The following CHRM5 variants were observed in gnomAD, a reference collection of about 807,000 sequenced individuals.
The protein encoded by CHRM5 is muscarinic acetylcholine receptor M5.
In CHRM5, 18 loss-of-function variants were observed where a neutral mutation model predicts 39.0. The observed-to-expected ratio is 0.46, with a 90% CI of 0.32 to 0.68. The LOEUF (loss-of-function observed/expected upper bound fraction) is 0.68, where lower values mean the gene tolerates loss of function less well. CHRM5 is among the 30% of genes least tolerant of loss of function. The pLI, the probability that CHRM5 is intolerant of heterozygous loss-of-function variation, is 0.04. For missense variants in CHRM5, 515 were observed against 651.1 expected, an observed-to-expected ratio of 0.79 and a Z score of 2.28; for synonymous variants, 241 against 246.3, an observed-to-expected ratio of 0.98 and a Z score of 0.20.
In CHRM5 at chr15:34,019,182, G is replaced by A. The variant is rs1448142941; in HGVS notation, c.-407-27358G>A. On this transcript the variant is annotated intron_variant, in intron 1 of 2. Coordinates refer to ENST00000383263, the MANE Select transcript of CHRM5 (RefSeq NM_012125.4). The stretch of plus-strand genomic sequence containing the variant: ...CCCAGTAAGTCCAGCTGGCTTCACC[G>A]CTTACTATTGATGATCCTGACCCTG... 6.6e-5 allele frequency among the ~76,000 whole-genome samples: 10 copies of A among 152,296 alleles called. No homozygotes were observed. In the South Asian group the frequency reaches 1.4e-3, roughly 22 times the overall value.
At chr15:34,011,250 C>G (rs114739507) in intron 1 of CHRM5, among the ~76,000 whole-genome samples, 69 of 151,980 alleles carry the variant, frequency 4.5e-4, no homozygotes, top group Non-Finnish European at 4.9e-4. Context: ...GGGGGAACTA[C>G]GCTAGCAAAA....
intron 1 of CHRM5, among the ~76,000 whole-genome samples, chr15:33,987,314 T>C (rs1375533225): frequency 2.0e-5 from 3 of 152,206 alleles, no homozygotes; most frequent in Non-Finnish European, 4.4e-5. Context: ...TTTGATAAAC[T>C]AAGATCAAAT....
chr15:33,991,597 A>G (rs1896728837), intron 1 of CHRM5: 1 of 152,124 alleles, frequency 6.6e-6, no homozygotes, highest in African/African-American at 2.4e-5. Flanking sequence ...AGATAATGTG[A>G]CCTGTAGAAA....
At chr15:34,033,715 T>C (rs181150597) in intron 1 of CHRM5, among the ~76,000 whole-genome samples, 319 of 152,216 alleles carry the variant, frequency 2.1e-3, no homozygotes, top group Admixed American at 4.3e-3. Flanking sequence ...CTGTGGGAGA[T>C]GGGGAATTAA....
At chr15:34,036,808 T>C (rs1184911280) in intron 1 of CHRM5, among the ~76,000 whole-genome samples, 1 of 152,114 alleles carries the variant, frequency 6.6e-6, no homozygotes, top group South Asian at 2.1e-4. Context: ...TTTCTTTTAA[T>C]GATATACCAT....
At chr15:33,993,508 G>A (rs984463977) in intron 1 of CHRM5, among the ~76,000 whole-genome samples, 2 of 152,126 alleles carry the variant, frequency 1.3e-5, no homozygotes, top group African/African-American at 4.8e-5. Flanking sequence ...GGAAAGGGCT[G>A]CCTCTCCAAA....
intron 1 of CHRM5, among the ~76,000 whole-genome samples, chr15:34,039,709 T>A (rs1348777600): frequency 6.6e-6 from 1 of 152,194 alleles, no homozygotes; most frequent in Non-Finnish European, 1.5e-5. Context: ...CAGCAGAATT[T>A]CTGTAGAAAT....
chr15:34,005,008 G>T (rs1441576487), intron 1 of CHRM5, among the ~76,000 whole-genome samples: 1 of 151,978 alleles, frequency 6.6e-6, no homozygotes, highest in Non-Finnish European at 1.5e-5. Context: ...ACAGAAGCAG[G>T]ACATATGCAC....
rs1457021382 is a variant in CHRM5, at chr15:34,065,077, A to C, written c.*761A>C. The C allele has an allele frequency of 6.0e-6, 1 of 166,526 alleles. No individual in the cohort carries two copies. The highest frequency in any genetic ancestry group is 2.4e-5 in the African/African-American group (1 of 41,448). 10.3% of individuals were successfully genotyped at this position (166,526 alleles called of 1,614,324 possible). A position where few individuals can be genotyped will look rare whatever the true frequency, so the allele number is the denominator to read the frequency against. ...GCCTCTTTTCTACTAATAAAGATGG[A>C]TCAAGTCTCCACAGTCAGTTATTTT... On this transcript the variant is annotated 3_prime_UTR_variant, in exon 3 of 3. Coordinates refer to ENST00000383263, the MANE Select transcript of CHRM5 (RefSeq NM_012125.4).
intron 1 of CHRM5, among the ~76,000 whole-genome samples, chr15:33,971,485 G>A (rs1895635889): frequency 6.6e-6 from 1 of 151,818 alleles, no homozygotes; most frequent in South Asian, 2.1e-4. Flanking sequence ...TGGCATCTAG[G>A]TCAAAATGAA....
intron 1 of CHRM5, among the ~76,000 whole-genome samples, chr15:34,020,168 A>G (rs1320114797): frequency 6.6e-6 from 1 of 152,004 alleles, no homozygotes; most frequent in Non-Finnish European, 1.5e-5. Flanking sequence ...AAAATTAGCC[A>G]GGCGTGGTGG....
intron 1 of CHRM5, among the ~76,000 whole-genome samples, chr15:33,985,614 C>T (rs1269705274): frequency 4.6e-5 from 7 of 151,906 alleles, no homozygotes; most frequent in Admixed American, 4.6e-4. Context: ...TTCAGCTCTC[C>T]CAACAATATT....
At chr15:34,022,712 T>G (rs973135246) in intron 1 of CHRM5, among the ~76,000 whole-genome samples, 1 of 152,178 alleles carries the variant, frequency 6.6e-6, no homozygotes, top group Non-Finnish European at 1.5e-5. Flanking sequence ...TTTTAAAGAC[T>G]CCAAGGATTC....
intron 1 of CHRM5, among the ~76,000 whole-genome samples, chr15:33,989,659 G>A (rs976734839): frequency 6.6e-5 from 10 of 151,844 alleles, no homozygotes; most frequent in Admixed American, 1.3e-4. Flanking sequence ...TATTTTAGAA[G>A]AGCTTCTACC....
chr15:34,035,303 A>G (rs541954375), intron 1 of CHRM5, among the ~76,000 whole-genome samples: 1 of 152,322 alleles, frequency 6.6e-6, no homozygotes, highest in Non-Finnish European at 1.5e-5. Flanking sequence ...AAGAAAGCAA[A>G]GGTCTGGTAA....
At position 34,017,489 on chromosome 15, in the gene CHRM5, T is replaced by TTG. The variant is rs199658110; in HGVS notation, c.-407-29050_-407-29049insGT. On this transcript the variant is annotated intron_variant, in intron 1 of 2. Coordinates refer to ENST00000383263, the MANE Select transcript of CHRM5 (RefSeq NM_012125.4). ...TTCAGTATGATTTTTTTTTTGTTTT[T>TTG]TTTTTTTTTTTGAGACAGGGTCTTG... 9.7e-3 allele frequency among the ~76,000 whole-genome samples: 776 copies of TTG among 80,282 alleles called. 14 individuals are homozygous for TTG. Among genetic ancestry groups the TTG allele is most frequent in the African/African-American group, 0.021 (736 of 35,622 alleles). 52.7% of individuals were successfully genotyped at this position (80,282 alleles called of 152,430 possible).
intron 1 of CHRM5, among the ~76,000 whole-genome samples, chr15:34,013,481 A>G (rs1449261591): frequency 6.6e-6 from 1 of 152,234 alleles, no homozygotes; most frequent in Admixed American, 6.5e-5. Context: ...CTGTCCTGCA[A>G]TATGTCCACA....
intron 2 of CHRM5, among the ~76,000 whole-genome samples, chr15:34,057,303 A>ATTTTTTTT (rs59628367): frequency 1.4e-5 from 2 of 147,252 alleles, no homozygotes; most frequent in Non-Finnish European, 3.0e-5. Context: ...CGCCCAGCTA[A>ATTTTTTTT]TTTTTTTTTT....
At chr15:34,041,121 C>T (rs1004656967) in intron 1 of CHRM5, among the ~76,000 whole-genome samples, 2 of 151,940 alleles carry the variant, frequency 1.3e-5, no homozygotes, top group African/African-American at 2.4e-5. Context: ...CATTTTGTGG[C>T]GGTAGCTTAT....
Sources: allele counts gnomAD v4.1 joint callset (sites outside exome capture counted in the v4.1 genomes callset), GRCh38; gene constraint gnomAD v4.1.1; transcripts MANE v1.5; gene names NCBI Gene and HGNC (gene_info 2026-07-23, HGNC 2026-07-21).